Variants in CNTNAP2 observed in about 807,000 individuals in gnomAD.
The protein encoded by CNTNAP2 is contactin-associated protein-like 2.
CNTNAP2 carries 98 observed loss-of-function variants against 155.2 expected under a neutral mutation model. The observed-to-expected ratio is 0.63, with a 90% confidence interval of 0.54 to 0.75. The LOEUF is 0.75. Ranked by LOEUF, CNTNAP2 falls within the 30% of genes least tolerant of loss-of-function variation. CNTNAP2 has a pLI of 0.00. For synonymous variants in CNTNAP2, 651 were observed against 631.2 expected, an observed-to-expected ratio of 1.03 and a Z score of -0.47; for missense variants, 1,727 against 1,688.1, an observed-to-expected ratio of 1.02 and a Z score of -0.40.
chr7:147,383,603 C>T (rs826653), intron 9 of CNTNAP2, among the ~76,000 whole-genome samples: 20,020 of 151,858 alleles, frequency 0.13, 1,567 homozygotes, highest in East Asian at 0.32. Context: ...GGGAACACCA[C>T]GCACCGGGGC....
intron 9 of CNTNAP2, among the ~76,000 whole-genome samples, chr7:147,312,457 T>G (rs1795144994): frequency 7.7e-6 from 1 of 130,220 alleles, no homozygotes; most frequent in African/African-American, 3.0e-5. Context: ...TTCCCCTTCC[T>G]GTGTCCATGT....
intron 15 of CNTNAP2, among the ~76,000 whole-genome samples, chr7:147,990,062 G>GC (rs1801684092): frequency 6.6e-6 from 1 of 151,536 alleles, no homozygotes. Flanking sequence ...TACAAATTTG[G>GC]GGTTGCTACT....
intron 13 of CNTNAP2, among the ~76,000 whole-genome samples, chr7:147,714,394 G>A (rs1796450653): frequency 6.6e-6 from 1 of 151,674 alleles, no homozygotes; most frequent in African/African-American, 2.4e-5. Flanking sequence ...GGGAAGTATA[G>A]TTGTGGAGGT....
rs892044880 is a variant in CNTNAP2, at chr7:146,999,836, C to T, written c.403-44071C>T. Among the ~76,000 whole-genome samples, 8 of 152,024 alleles carry T rather than the reference C, an allele frequency of 5.3e-5. No homozygotes were observed. In the East Asian group the frequency reaches 1.5e-3, roughly 29 times the overall value. Reference sequence around the variant, plus strand: ...CTTTTTTCTTTGATTTTGACAGTTGCAGTATAACTTGAGGGTAATCTTTTT... The same window carrying T: ...CTTTTTTCTTTGATTTTGACAGTTGTAGTATAACTTGAGGGTAATCTTTTT... On this transcript the variant is annotated intron_variant, in intron 3 of 23. Coordinates refer to ENST00000361727, the MANE Select transcript of CNTNAP2 (RefSeq NM_014141.6).
At chr7:147,112,921 C>T (rs1293890683) in intron 5 of CNTNAP2, among the ~76,000 whole-genome samples, 3 of 151,992 alleles carry the variant, frequency 2.0e-5, no homozygotes, top group African/African-American at 7.2e-5. Flanking sequence ...AGAGAGGAGT[C>T]CTTCCTTTTC....
At chr7:148,052,519 G>T (rs1462906221) in intron 15 of CNTNAP2, among the ~76,000 whole-genome samples, 1 of 152,158 alleles carries the variant, frequency 6.6e-6, no homozygotes, top group Non-Finnish European at 1.5e-5. Flanking sequence ...AAGCAATTTT[G>T]CAAGACAGAT....
intron 1 of CNTNAP2, among the ~76,000 whole-genome samples, chr7:146,647,915 C>A (rs1799842694): frequency 6.6e-6 from 1 of 152,134 alleles, no homozygotes; most frequent in Non-Finnish European, 1.5e-5. Flanking sequence ...ATTAGCAGTT[C>A]CATGAATTTA....
intron 21 of CNTNAP2, among the ~76,000 whole-genome samples, chr7:148,271,537 T>C (rs6464864): frequency 0.57 from 86,674 of 152,100 alleles, 26,078 homozygotes; most frequent in South Asian, 0.77. Context: ...ATTTGTGACC[T>C]AAGACCTATG....
intron 13 of CNTNAP2, among the ~76,000 whole-genome samples, chr7:147,654,193 G>T (rs1795491076): frequency 6.6e-6 from 1 of 152,162 alleles, no homozygotes; most frequent in African/African-American, 2.4e-5. Context: ...CAAATGACTT[G>T]AATTTTGGAA....
chr7:148,172,336 A>C lies in CNTNAP2; in HGVS notation c.2868A>C (p.Thr956=). The change falls in exon 18 of 24, where the codon ACA becomes ACC. Residue 956 remains threonine, a synonymous_variant. Coordinates refer to ENST00000361727, the MANE Select transcript of CNTNAP2 (RefSeq NM_014141.6). ...TLDLEERAKV[T]SGFISGCSGH... ...ACCTGGAGGAAAGAGCAAAGGTCAC[A>C]TCTGGGTTCATATCCGGATGCTCGG... The C allele has an allele frequency of 6.2e-7, 1 of 1,614,184 alleles. No homozygotes were observed. Among genetic ancestry groups the C allele is most frequent in the Non-Finnish European group, 8.5e-7 (1 of 1,180,036 alleles).
chr7:147,624,894 G>T (rs1346769223), intron 12 of CNTNAP2, among the ~76,000 whole-genome samples: 1 of 152,102 alleles, frequency 6.6e-6, no homozygotes, highest in East Asian at 1.9e-4. Flanking sequence ...AGAAAATGTG[G>T]TACATATACA....
intron 13 of CNTNAP2, among the ~76,000 whole-genome samples, chr7:147,720,937 G>A (rs1404735): frequency 6.6e-6 from 1 of 151,970 alleles, no homozygotes; most frequent in East Asian, 1.9e-4. Flanking sequence ...TGAGTTATAG[G>A]GTGGCTTGGT....
rs201544886 is a variant in CNTNAP2, at chr7:146,770,345, CACACAT to C, written c.98-3924_98-3919del. 5.1e-3 allele frequency among the ~76,000 whole-genome samples: 775 copies of C among 150,646 alleles called. 9 individuals carry two copies. Among genetic ancestry groups the C allele is most frequent in the African/African-American group, 0.018 (736 of 40,616 alleles). The stretch of plus-strand genomic sequence containing the variant: ...ACACACACACACACACACACACACA[CACACAT>C]ATACATATAATCTGCCTGAAGTAGT... On this transcript the variant is annotated intron_variant, in intron 1 of 23. Transcript: ENST00000361727.
chr7:147,686,071 T>C (rs1399969890), intron 13 of CNTNAP2, among the ~76,000 whole-genome samples: 2 of 151,936 alleles, frequency 1.3e-5, no homozygotes. Context: ...AAAAAAATAA[T>C]AAGCTAACTT....
chr7:147,595,031 C>T (rs1800802694), intron 12 of CNTNAP2, among the ~76,000 whole-genome samples: 1 of 152,072 alleles, frequency 6.6e-6, no homozygotes, highest in Non-Finnish European at 1.5e-5. Flanking sequence ...AGGAACAAAG[C>T]AAAACCAGAC....
At chr7:147,116,736 G>A (rs556172676) in intron 5 of CNTNAP2, among the ~76,000 whole-genome samples, 1 of 151,810 alleles carries the variant, frequency 6.6e-6, no homozygotes, top group African/African-American at 2.4e-5. Context: ...CCCAGGGATA[G>A]AAAATAGCTC....
chr7:147,775,425 A>G (rs1321820277), intron 13 of CNTNAP2, among the ~76,000 whole-genome samples: 1 of 121,098 alleles, frequency 8.3e-6, no homozygotes, highest in Non-Finnish European at 1.7e-5. Flanking sequence ...TTATATATAT[A>G]TATCTGAAGA....
intron 8 of CNTNAP2, among the ~76,000 whole-genome samples, chr7:147,136,457 A>G (rs1801480698): frequency 6.6e-6 from 1 of 152,028 alleles, no homozygotes; most frequent in Admixed American, 6.6e-5. Flanking sequence ...TCTTCTGTGG[A>G]CTTGTTTTAT....
At chr7:148,152,777 T>A (rs1805321111) in intron 17 of CNTNAP2, among the ~76,000 whole-genome samples, 1 of 152,002 alleles carries the variant, frequency 6.6e-6, no homozygotes, top group Non-Finnish European at 1.5e-5. Flanking sequence ...TCCCAGCACT[T>A]TGGGAGGCCG....
Sources: gnomAD v4.1 joint callset for allele counts (sites outside exome capture counted in the v4.1 genomes callset) on GRCh38, gnomAD v4.1.1 for gene constraint, MANE v1.5 for transcripts, NCBI Gene and HGNC (gene_info 2026-07-23, HGNC 2026-07-21) for gene names.